SETD5: variants seen among roughly 807,000 people sequenced by gnomAD.
SETD5 encodes histone-lysine N-methyltransferase SETD5.
SETD5 carries 44 observed loss-of-function variants against 153.3 expected under a neutral mutation model. The observed-to-expected ratio is 0.29, with a 90% CI of 0.23 to 0.37. The LOEUF (loss-of-function observed/expected upper bound fraction) is 0.37, where lower values mean the gene tolerates loss of function less well. Among genes scored for constraint, SETD5 ranks in the 10% least tolerant of loss-of-function variants. The pLI is 1.00. For missense variants in SETD5, 1,544 were observed against 1,768.0 expected (o/e 0.87, Z 2.27); for synonymous variants, 716 against 645.2 (o/e 1.11, Z -1.66).
At chr3:9,407,653 A>G (rs1363257924) in intron 1 of SETD5, among the ~76,000 whole-genome samples, 5 of 152,324 alleles carry the variant, frequency 3.3e-5, no homozygotes, top group Middle Eastern at 3.4e-3. Context: ...TTCTGTGGCA[A>G]ATAGTTACCC....
chr3:9,403,063 G>T (rs1273920698), intron 1 of SETD5, among the ~76,000 whole-genome samples: 1 of 152,134 alleles, frequency 6.6e-6, no homozygotes, highest in East Asian at 1.9e-4. Context: ...AATGTTGGTG[G>T]GGGAGGGGCA....
intron 2 of SETD5, among the ~76,000 whole-genome samples, chr3:9,427,436 A>G (rs964507101): frequency 1.7e-4 from 26 of 152,240 alleles, no homozygotes; most frequent in African/African-American, 6.3e-4. Flanking sequence ...TGTAATCCTA[A>G]CTACTTGGGA....
intron 14 of SETD5, 32 bp downstream of exon 14, chr3:9,447,339 A>C (rs759579895): frequency 6.3e-7 from 1 of 1,584,902 alleles, no homozygotes; most frequent in Admixed American, 1.9e-5. Context: ...GCACTTAGAC[A>C]TCCTCACCTT....
chr3:9,404,529 A>G (rs1244568883), intron 1 of SETD5, among the ~76,000 whole-genome samples: 1 of 152,202 alleles, frequency 6.6e-6, no homozygotes, highest in African/African-American at 2.4e-5. Flanking sequence ...TAGGGTAGTC[A>G]TTTCTTTCTT....
intron 16 of SETD5, among the ~76,000 whole-genome samples, chr3:9,449,226 GCCTCTTTCT>G (rs1251967241): frequency 2.0e-5 from 3 of 151,974 alleles, no homozygotes; most frequent in Admixed American, 6.6e-5. Context: ...CTCTGTTTCT[GCCTCTTTCT>G]CCTCTTTCCA....
At chr3:9,432,163 T>G in intron 3 of SETD5, 1 of 314,690 alleles carries the variant, frequency 3.2e-6, no homozygotes, top group Non-Finnish European at 4.6e-6. Context: ...GCATTCTTGA[T>G]GTACCCCTCC....
chr3:9,440,893 C>T (rs953939972), intron 8 of SETD5, among the ~76,000 whole-genome samples, 195 bp downstream of exon 8: 1 of 152,096 alleles, frequency 6.6e-6, no homozygotes. Flanking sequence ...TTTTAAACTA[C>T]CTTTATTAAT....
At chr3:9,464,361 T>G in intron 17 of SETD5, 64 bp from the exon 18 acceptor site, 1 of 1,555,762 alleles carries the variant, frequency 6.4e-7, no homozygotes, top group Non-Finnish European at 8.7e-7. Flanking sequence ...GATTAATGGC[T>G]TTACTGTAGA....
At chr3:9,438,941 C>T (rs1052226626) in intron 7 of SETD5, among the ~76,000 whole-genome samples, 1 of 152,172 alleles carries the variant, frequency 6.6e-6, no homozygotes, top group African/African-American at 2.4e-5. Flanking sequence ...TACTCTAAAC[C>T]CAACTGAGGT....
Position 9,476,791 on chromosome 3 carries a change from C to T in SETD5, c.*700C>T, listed in dbSNP as rs984837854. Reference sequence around the variant, plus strand: ...GGAGCAGATTATTTGAGTAGATTGTCTGAGCCTCCAACTGTTACCATCCTA... The same window carrying T: ...GGAGCAGATTATTTGAGTAGATTGTTTGAGCCTCCAACTGTTACCATCCTA... On this transcript the variant is annotated 3_prime_UTR_variant, in exon 23 of 23. Transcript: ENST00000402198. The T allele has an allele frequency of 6.6e-6, 1 of 152,490 alleles. No homozygotes were observed. The highest frequency in any genetic ancestry group is 1.5e-5 in the Non-Finnish European group (1 of 68,044). The allele number at this position is 152,490 out of a possible 1,614,324, so 9.4% of individuals were successfully genotyped here.
chr3:9,413,181 G>C (rs905635479), intron 1 of SETD5, among the ~76,000 whole-genome samples: 1 of 151,978 alleles, frequency 6.6e-6, no homozygotes, highest in South Asian at 2.1e-4. Context: ...CCTGATCATC[G>C]CCTGCTATTT....
chr3:9,474,738 AC>A, intron 21 of SETD5, 156 bp downstream of exon 21: 1 of 1,014,616 alleles, frequency 9.9e-7, no homozygotes, highest in Non-Finnish European at 1.4e-6. Context: ...CATTTGGGCT[AC>A]CACATTTGTA....
At chr3:9,423,053 C>G (rs1241097517) in intron 1 of SETD5, among the ~76,000 whole-genome samples, 3 of 152,236 alleles carry the variant, frequency 2.0e-5, no homozygotes, top group African/African-American at 7.2e-5. Context: ...TGTCTGCCAG[C>G]TGCTTCCGCC....
At chr3:9,471,856 T>C (rs1371344534) in intron 19 of SETD5, among the ~76,000 whole-genome samples, 1 of 152,270 alleles carries the variant, frequency 6.6e-6, no homozygotes, top group Non-Finnish European at 1.5e-5. Context: ...TGTAGTATCC[T>C]CATTGAAATG....
At chr3:9,401,824 A>C (rs2034830959) in intron 1 of SETD5, among the ~76,000 whole-genome samples, 1 of 152,216 alleles carries the variant, frequency 6.6e-6, no homozygotes, top group South Asian at 2.1e-4. Flanking sequence ...TAAAAATTGT[A>C]TTTCAAGTGT....
chr3:9,403,343 G>C (rs913833548), intron 1 of SETD5, among the ~76,000 whole-genome samples: 4 of 152,128 alleles, frequency 2.6e-5, no homozygotes, highest in African/African-American at 9.7e-5. Context: ...ACCTCCCGAG[G>C]AGACCCGTTC....
chr3:9,475,470 C>G lies in SETD5; in HGVS notation c.3721-13C>G. ...GTTCGCGTCCTTATTCGTTTCCTCC[C>G]AACTTTGTCTAGCTCCTGCAGTGTG... is the stretch of plus-strand genomic sequence containing the variant. On this transcript the variant is annotated splice_polypyrimidine_tract_variant and intron_variant, in intron 22 of 22. Coordinates refer to ENST00000402198, the MANE Select transcript of SETD5 (RefSeq NM_001080517.3). 6.3e-7 allele frequency: 1 copy of G among 1,597,992 alleles called. No homozygotes were observed. The highest frequency in any genetic ancestry group is 8.6e-7 in the Non-Finnish European group (1 of 1,168,584).
At chr3:9,411,762 T>C (rs1012589345) in intron 1 of SETD5, among the ~76,000 whole-genome samples, 6 of 152,226 alleles carry the variant, frequency 3.9e-5, no homozygotes, top group African/African-American at 1.4e-4. Context: ...CTCTAAACTC[T>C]GTCTGAACTT....
rs1045657575 is a variant in SETD5 at position 9,476,355 on chromosome 3, G to A, written c.*264G>A. The A allele has an allele frequency of 2.0e-5, 9 of 446,304 alleles. No homozygotes were observed. Among genetic ancestry groups the A allele is most frequent in the East Asian group, 3.9e-5 (1 of 25,402 alleles). The allele number at this position is 446,304 out of a possible 1,614,324, so 27.6% of individuals were successfully genotyped here. A position where few individuals can be genotyped will look rare whatever the true frequency, so the allele number is the denominator to read the frequency against. On this transcript the variant is annotated 3_prime_UTR_variant, in exon 23 of 23. Coordinates refer to ENST00000402198, the MANE Select transcript of SETD5 (RefSeq NM_001080517.3). The stretch of plus-strand genomic sequence containing the variant: ...ATTGTTGACAAGCAAATGGTGTTTC[G>A]GTTAGTAACGGTTCTAAGTGCAATG...
Sources: gnomAD v4.1 joint callset for allele counts (sites outside exome capture counted in the v4.1 genomes callset) on GRCh38, gnomAD v4.1.1 for gene constraint, MANE v1.5 for transcripts, NCBI Gene and HGNC (gene_info 2026-07-23, HGNC 2026-07-21) for gene names.